Variants in NEDD4L observed in about 807,000 individuals in gnomAD.
NEDD4L encodes NEDD4 like E3 ubiquitin protein ligase.
A neutral mutation model predicts 148.9 loss-of-function variants in NEDD4L; 54 were observed. That is an observed-to-expected ratio of 0.36 (90% CI 0.29 to 0.45). The LOEUF is 0.45. NEDD4L is among the 20% of genes least tolerant of loss of function. The probability of loss-of-function intolerance (pLI) is 1.00; values close to 1 mark genes in which losing one functional copy is unlikely to be tolerated. For synonymous variants in NEDD4L, 433 were observed against 440.7 expected (o/e 0.98, Z 0.22); for missense variants, 856 against 1,233.8 (o/e 0.69, Z 4.59).
At chr18:58,265,316 AT>A (rs2050066150) in intron 5 of NEDD4L, among the ~76,000 whole-genome samples, 1 of 152,098 alleles carries the variant, frequency 6.6e-6, no homozygotes, top group South Asian at 2.1e-4. Context: ...TGTGGCTGTC[AT>A]CACAAACAAT....
intron 1 of NEDD4L, among the ~76,000 whole-genome samples, chr18:58,152,025 C>T (rs564034724): frequency 2.2e-4 from 33 of 151,834 alleles, no homozygotes; most frequent in African/African-American, 7.7e-4. Flanking sequence ...GTTAAAAATT[C>T]GATGAGATAA....
intron 2 of NEDD4L, among the ~76,000 whole-genome samples, chr18:58,229,961 C>T (rs906236376): frequency 6.6e-6 from 1 of 152,112 alleles, no homozygotes; most frequent in African/African-American, 2.4e-5. Flanking sequence ...TGCATTCCAG[C>T]CTGGGCGACA....
intron 2 of NEDD4L, among the ~76,000 whole-genome samples, chr18:58,193,223 T>C (rs1466523327): frequency 2.0e-5 from 3 of 152,270 alleles, no homozygotes; most frequent in African/African-American, 7.2e-5. Flanking sequence ...CAAATTATTC[T>C]GGTATAAAAT....
At chr18:58,261,637 A>C (rs931194995) in intron 5 of NEDD4L, among the ~76,000 whole-genome samples, 1 of 152,218 alleles carries the variant, frequency 6.6e-6, no homozygotes, top group African/African-American at 2.4e-5. Context: ...TACCAGAATA[A>C]ATTTACTTTA....
At chr18:58,278,645 C>G (rs962132400) in intron 5 of NEDD4L, among the ~76,000 whole-genome samples, 1 of 152,176 alleles carries the variant, frequency 6.6e-6, no homozygotes, top group African/African-American at 2.4e-5. Flanking sequence ...CCTGTGGCCC[C>G]TGTGTGCAGG....
intron 1 of NEDD4L, among the ~76,000 whole-genome samples, chr18:58,059,375 AT>A (rs2082225258): frequency 6.6e-6 from 1 of 152,144 alleles, no homozygotes; most frequent in Non-Finnish European, 1.5e-5. Flanking sequence ...CCCATGTTTG[AT>A]TGCTTTATAC....
intron 5 of NEDD4L, among the ~76,000 whole-genome samples, chr18:58,294,271 G>T (rs2055211187): frequency 1.3e-5 from 2 of 152,162 alleles, no homozygotes; most frequent in Admixed American, 1.3e-4. Context: ...TTTCGCACTT[G>T]ATGGTGGGAT....
At chr18:58,348,936 A>G (rs2145528123) in intron 16 of NEDD4L, among the ~76,000 whole-genome samples, 1 of 152,326 alleles carries the variant, frequency 6.6e-6, no homozygotes, top group South Asian at 2.1e-4. Flanking sequence ...TAATCTGCAG[A>G]ACTTGGTCAA....
chr18:58,381,070 A>G (rs2048276150), intron 24 of NEDD4L, among the ~76,000 whole-genome samples: 1 of 152,214 alleles, frequency 6.6e-6, no homozygotes, highest in South Asian at 2.1e-4. Context: ...TAATATATAT[A>G]GCATACAAAT....
chr18:58,190,520 T>C (rs188917275), intron 2 of NEDD4L, among the ~76,000 whole-genome samples: 13 of 152,292 alleles, frequency 8.5e-5, no homozygotes, highest in African/African-American at 2.4e-5. Context: ...TACAGAAATA[T>C]AGATGAAGGT....
chr18:58,321,625 CAT>C (rs2058782023), intron 6 of NEDD4L, among the ~76,000 whole-genome samples: 1 of 152,238 alleles, frequency 6.6e-6, no homozygotes, highest in Non-Finnish European at 1.5e-5. Context: ...TACGTACATA[CAT>C]GTGTGTGCAT....
chr18:58,389,777 G>A (rs990588623), intron 28 of NEDD4L, among the ~76,000 whole-genome samples: 3 of 150,462 alleles, frequency 2.0e-5, no homozygotes, highest in African/African-American at 7.3e-5. Context: ...CAAAAAGGCT[G>A]ATTATTTACT....
chr18:58,274,521 G>A (rs559902547), intron 5 of NEDD4L, among the ~76,000 whole-genome samples: 6 of 152,194 alleles, frequency 3.9e-5, no homozygotes, highest in African/African-American at 1.4e-4. Flanking sequence ...ATAAACAGCT[G>A]CAGTGCCCCC....
intron 1 of NEDD4L, among the ~76,000 whole-genome samples, chr18:58,062,723 T>C (rs1421525501): frequency 6.6e-6 from 1 of 152,172 alleles, no homozygotes; most frequent in Non-Finnish European, 1.5e-5. Context: ...GGACGGTGGC[T>C]CACGCCTATA....
At chr18:58,109,024 G>A (rs2085250204) in intron 1 of NEDD4L, among the ~76,000 whole-genome samples, 1 of 152,226 alleles carries the variant, frequency 6.6e-6, no homozygotes, top group African/African-American at 2.4e-5. Flanking sequence ...GCTAAAAGTG[G>A]AGGCAAATTA....
intron 1 of NEDD4L, among the ~76,000 whole-genome samples, chr18:58,104,867 T>G (rs910116387): frequency 6.0e-5 from 2 of 33,076 alleles, no homozygotes; most frequent in Middle Eastern, 0.014. Context: ...AACCAACCCC[T>G]CCACCCCCCA....
chr18:58,132,233 G>A (rs1257192137), intron 1 of NEDD4L, among the ~76,000 whole-genome samples: 1 of 142,162 alleles, frequency 7.0e-6, no homozygotes, highest in Non-Finnish European at 1.6e-5. Context: ...TGTTATTGTT[G>A]TTTTGATGGT....
In NEDD4L at chr18:58,153,530, G is replaced by A. The variant is rs1293811299; in HGVS notation, c.49-12258G>A. Among the ~76,000 whole-genome samples, 2 of 151,986 alleles carry A rather than the reference G, an allele frequency of 1.3e-5. 1 individual carries two copies. Among genetic ancestry groups the A allele is most frequent in the South Asian group, 4.2e-4 (2 of 4,818 alleles). ...AATTTTTCTATTTTTAGTAGATATG[G>A]GGTTTCACCATGTTGGCCAGGCTGG... is the stretch of plus-strand genomic sequence containing the variant. On this transcript the variant is annotated intron_variant, in intron 1 of 30. Transcript: ENST00000400345.
At chr18:58,080,048 C>A (rs2083354346) in intron 1 of NEDD4L, among the ~76,000 whole-genome samples, 1 of 152,204 alleles carries the variant, frequency 6.6e-6, no homozygotes, top group South Asian at 2.1e-4. Flanking sequence ...TCACCTCCCT[C>A]AGCCTCCTGA....
Sources: allele counts gnomAD v4.1 joint callset (sites outside exome capture counted in the v4.1 genomes callset), GRCh38; gene constraint gnomAD v4.1.1; transcripts MANE v1.5; gene names NCBI Gene and HGNC (gene_info 2026-07-23, HGNC 2026-07-21).